The following PHLPP2 variants were observed in gnomAD, a reference collection of about 807,000 sequenced individuals.
PHLPP2 encodes the protein PH domain leucine-rich repeat-containing protein phosphatase 2.
Under a neutral mutation model 124.9 loss-of-function variants are expected in PHLPP2, and 66 were observed. The ratio of observed to expected loss-of-function variants is 0.53; its 90% CI spans 0.43 to 0.65. The LOEUF is 0.65. Ranked by LOEUF, PHLPP2 falls within the 30% of genes least tolerant of loss-of-function variation. The pLI is 0.00. For synonymous variants in PHLPP2, 681 were observed against 624.7 expected, an observed-to-expected ratio of 1.09 and a Z score of -1.34; for missense variants, 1,685 against 1,600.4, an observed-to-expected ratio of 1.05 and a Z score of -0.90.
At chr16:71,717,830 T>G (rs1248631694) in intron 1 of PHLPP2, among the ~76,000 whole-genome samples, 1 of 152,194 alleles carries the variant, frequency 6.6e-6, no homozygotes, top group African/African-American at 2.4e-5. Context: ...CAGAACAACT[T>G]TCTAAGGTCA....
At position 71,654,311 on chromosome 16, in the gene PHLPP2, C is replaced by T. The variant is rs186001385; in HGVS notation, c.2585+929G>A. On this transcript the variant is annotated intron_variant, in intron 17 of 18. Transcript: ENST00000568954. Reference sequence around the variant, plus strand: ...CCTCTCAGTTGTTCCTATCCTTTATCGGTCCACCTGACATGCAAATGCTCC... The same window carrying T: ...CCTCTCAGTTGTTCCTATCCTTTATTGGTCCACCTGACATGCAAATGCTCC... Among the ~76,000 whole-genome samples, 529 of 151,532 alleles carry T rather than the reference C, an allele frequency of 3.5e-3. 1 individual carries two copies. The highest frequency in any genetic ancestry group is 6.3e-3 in the Non-Finnish European group (428 of 67,948).
chr16:71,660,418 TGTA>T (rs556684803), intron 13 of PHLPP2, among the ~76,000 whole-genome samples: 2 of 114,546 alleles, frequency 1.7e-5, no homozygotes, highest in East Asian at 3.3e-4. Flanking sequence ...TTATATACAC[TGTA>T]TTTTTTTTTT....
intron 14 of PHLPP2, 24 bp downstream of exon 14, chr16:71,658,629 C>T: frequency 6.2e-7 from 1 of 1,607,582 alleles, no homozygotes; most frequent in Non-Finnish European, 8.5e-7. Flanking sequence ...CCAATAAGGA[C>T]ATCATTCCAG....
At chr16:71,721,671 G>GA (rs11339364) in intron 1 of PHLPP2, among the ~76,000 whole-genome samples, 23 of 148,704 alleles carry the variant, frequency 1.5e-4, no homozygotes, top group African/African-American at 4.2e-4. Context: ...AACTGTTCTT[G>GA]AAAAAAAAAA....
intron 1 of PHLPP2, chr16:71,723,926 G>T (rs1430956006): frequency 6.0e-6 from 4 of 669,800 alleles, no homozygotes; most frequent in Non-Finnish European, 7.6e-6. Context: ...GAGCCTCGGC[G>T]GCGCGCGCGA....
chr16:71,692,339 G>C (rs934035488), intron 3 of PHLPP2, among the ~76,000 whole-genome samples: 1 of 152,140 alleles, frequency 6.6e-6, no homozygotes, highest in Non-Finnish European at 1.5e-5. Flanking sequence ...AAAGTGCTGG[G>C]ATTACAAGTG....
intron 3 of PHLPP2, among the ~76,000 whole-genome samples, chr16:71,691,036 T>G (rs530390416): frequency 6.6e-6 from 1 of 152,366 alleles, no homozygotes; most frequent in East Asian, 1.9e-4. Flanking sequence ...TCAGAGATAC[T>G]TGAATTTGAA....
intron 1 of PHLPP2, chr16:71,723,763 C>T: frequency 7.6e-7 from 1 of 1,314,774 alleles, no homozygotes; most frequent in Non-Finnish European, 9.9e-7. Flanking sequence ...CCATCCGCCT[C>T]CTCACCTTCA....
intron 2 of PHLPP2, among the ~76,000 whole-genome samples, chr16:71,705,093 A>C (rs2045263892): frequency 6.6e-6 from 1 of 152,170 alleles, no homozygotes; most frequent in Admixed American, 6.5e-5. Flanking sequence ...CAACCATGAA[A>C]TGAACTGCCT....
chr16:71,687,505 A>G (rs909573378), intron 4 of PHLPP2, among the ~76,000 whole-genome samples: 8 of 152,176 alleles, frequency 5.3e-5, no homozygotes, highest in Non-Finnish European at 1.5e-5. Context: ...TATCACAATC[A>G]TTATGATTAC....
At chr16:71,721,082 C>G (rs1284357870) in intron 1 of PHLPP2, among the ~76,000 whole-genome samples, 1 of 151,792 alleles carries the variant, frequency 6.6e-6, no homozygotes, top group East Asian at 1.9e-4. Flanking sequence ...GCCTGTAATC[C>G]CAGCACTTTG....
At chr16:71,676,349 C>T in intron 9 of PHLPP2, 98 bp downstream of exon 9, 1 of 876,536 alleles carries the variant, frequency 1.1e-6, no homozygotes, top group Non-Finnish European at 1.8e-6. Context: ...AAACCCCATC[C>T]TGCAGAGTGG....
chr16:71,723,764 C>G, intron 1 of PHLPP2: 1 of 1,320,420 alleles, frequency 7.6e-7, no homozygotes, highest in Non-Finnish European at 9.9e-7. Context: ...CATCCGCCTC[C>G]TCACCTTCAG....
At chr16:71,683,181 G>A (rs2045019608) in intron 5 of PHLPP2, among the ~76,000 whole-genome samples, 1 of 150,922 alleles carries the variant, frequency 6.6e-6, no homozygotes. Context: ...AAAAAAAAAA[G>A]GAAAAGAAAA....
chr16:71,708,809 T>C (rs1229598133), intron 2 of PHLPP2, among the ~76,000 whole-genome samples: 1 of 151,708 alleles, frequency 6.6e-6, no homozygotes, highest in Non-Finnish European at 1.5e-5. Context: ...AAGAAAAATC[T>C]AGCCAGATGC....
At chr16:71,676,687 A>T (rs2145334398) in intron 8 of PHLPP2, 38 bp from the exon 9 acceptor site, 1 of 1,415,096 alleles carries the variant, frequency 7.1e-7, no homozygotes, top group South Asian at 1.1e-5. Context: ...CATAAATAAG[A>T]GTCTATTAAA....
At chr16:71,723,653 G>T (rs1220412027) in intron 1 of PHLPP2, 1 of 447,930 alleles carries the variant, frequency 2.2e-6, no homozygotes, top group Non-Finnish European at 3.5e-6. Context: ...GCCGCCGACT[G>T]CCTCAGCCAC....
chr16:71,663,824 A>G lies in PHLPP2; in HGVS notation c.1985+75T>C. ...AACGTAAACAAAGAGTCATAGTCAG[A>G]TGGCTATATTTTTTCTGACAAATAT... On this transcript the variant is annotated intron_variant, in intron 13 of 18. Transcript: ENST00000568954. 5 of 1,121,796 alleles carry G rather than the reference A, an allele frequency of 4.5e-6. No individual in the cohort carries two copies. In the South Asian group the frequency reaches 6.5e-5, roughly 14 times the overall value. 69.5% of individuals were successfully genotyped at this position (1,121,796 alleles called of 1,614,324 possible).
chr16:71,661,018 T>C (rs1481441162), intron 13 of PHLPP2, among the ~76,000 whole-genome samples: 1 of 152,078 alleles, frequency 6.6e-6, no homozygotes, highest in African/African-American at 2.4e-5. Context: ...AGTTTTATTA[T>C]ATATATTCAG....
Sources: gnomAD v4.1 joint callset for allele counts (sites outside exome capture counted in the v4.1 genomes callset) on GRCh38, gnomAD v4.1.1 for gene constraint, MANE v1.5 for transcripts, NCBI Gene and HGNC (gene_info 2026-07-23, HGNC 2026-07-21) for gene names.